The following UGT3A2 variants were observed in gnomAD, a reference collection of about 807,000 sequenced individuals.
UGT3A2 encodes UDP-glycosyltransferase 3A2.
Under a neutral mutation model 39.8 loss-of-function variants are expected in UGT3A2, and 32 were observed. The ratio of observed to expected loss-of-function variants is 0.80; its 90% CI spans 0.61 to 1.08. The LOEUF (loss-of-function observed/expected upper bound fraction) is 1.08, where lower values mean the gene tolerates loss of function less well. Ranked by LOEUF, UGT3A2 falls within the 50% of genes least tolerant of loss-of-function variation. The probability of loss-of-function intolerance (pLI) is 0.00; values close to 1 mark genes in which losing one functional copy is unlikely to be tolerated. For missense variants in UGT3A2, 611 were observed against 637.1 expected (o/e 0.96, Z 0.44); for synonymous variants, 241 against 230.7 (o/e 1.04, Z -0.40).
chr5:36,038,729 T>C (rs1008027736), intron 5 of UGT3A2, among the ~76,000 whole-genome samples: 1 of 152,194 alleles, frequency 6.6e-6, no homozygotes. Flanking sequence ...CCCCAGAATT[T>C]TAAAAAATAT....
chr5:36,035,696 C>G lies in UGT3A2; in HGVS notation c.*2G>C. ...CAGACCCCGCCAAGGCTGCACCTGG[C>G]CTTATGTCTCCTTCACCTTTCTGGC... On this transcript the variant is annotated 3_prime_UTR_variant, in exon 7 of 7. Coordinates refer to ENST00000282507, the MANE Select transcript of UGT3A2 (RefSeq NM_174914.4). 6.2e-7 allele frequency: 1 copy of G among 1,613,806 alleles called. No homozygotes were observed. Among genetic ancestry groups the G allele is most frequent in the Non-Finnish European group, 8.5e-7 (1 of 1,179,772 alleles).
At chr5:36,062,515 C>G (rs1440816618) in intron 2 of UGT3A2, among the ~76,000 whole-genome samples, 1 of 151,524 alleles carries the variant, frequency 6.6e-6, no homozygotes, top group Non-Finnish European at 1.5e-5. Context: ...TTCCCCATTG[C>G]TTGTTTTTCT....
chr5:36,037,447 C>A (rs765345709), intron 6 of UGT3A2, among the ~76,000 whole-genome samples: 14 of 152,004 alleles, frequency 9.2e-5, no homozygotes, highest in Non-Finnish European at 1.8e-4. Context: ...GAGAAGAGTG[C>A]GGAGTATTTG....
intron 4 of UGT3A2, among the ~76,000 whole-genome samples, chr5:36,045,934 A>G (rs1461421777): frequency 1.3e-5 from 2 of 152,214 alleles, no homozygotes; most frequent in Non-Finnish European, 2.9e-5. Flanking sequence ...TACGAGAAAA[A>G]AAAATCTAAT....
At position 36,035,039 on chromosome 5, in the gene UGT3A2, A is replaced by G. The variant is rs1741771735; in HGVS notation, c.*659T>C. On this transcript the variant is annotated 3_prime_UTR_variant, in exon 7 of 7. Coordinates refer to ENST00000282507, the MANE Select transcript of UGT3A2 (RefSeq NM_174914.4). Reference sequence around the variant, plus strand: ...CATTTAGTGAGGTTGGGGAGAGATAACGCTGTAAACTTTTATTTTTCAGGA... The same window carrying G: ...CATTTAGTGAGGTTGGGGAGAGATAGCGCTGTAAACTTTTATTTTTCAGGA... 6.6e-6 allele frequency: 1 copy of G among 152,668 alleles called. No individual in the cohort carries two copies. Among genetic ancestry groups the G allele is most frequent in the African/African-American group, 2.4e-5 (1 of 41,456 alleles). 9.5% of individuals were successfully genotyped at this position (152,668 alleles called of 1,614,324 possible). A position where few individuals can be genotyped will look rare whatever the true frequency, so the allele number is the denominator to read the frequency against.
chr5:36,064,114 TAC>T (rs139538064), intron 2 of UGT3A2, 133 bp downstream of exon 2: 875 of 775,352 alleles, frequency 1.1e-3, no homozygotes, highest in Middle Eastern at 1.5e-3. Flanking sequence ...GCACTTTACA[TAC>T]ACACACACAC....
At chr5:36,065,191 T>C (rs1025084292) in intron 1 of UGT3A2, among the ~76,000 whole-genome samples, 2 of 151,642 alleles carry the variant, frequency 1.3e-5, no homozygotes, top group Non-Finnish European at 2.9e-5. Flanking sequence ...GAAAGGAAGA[T>C]CAGAAGAGAA....
intron 4 of UGT3A2, among the ~76,000 whole-genome samples, chr5:36,040,999 C>T (rs1741987813): frequency 6.6e-6 from 1 of 152,188 alleles, no homozygotes; most frequent in Non-Finnish European, 1.5e-5. Flanking sequence ...CTAACATCTC[C>T]ACATCTAGGC....
At chr5:36,046,774 T>C (rs1000370441) in intron 4 of UGT3A2, among the ~76,000 whole-genome samples, 1 of 152,150 alleles carries the variant, frequency 6.6e-6, no homozygotes, top group African/African-American at 2.4e-5. Context: ...GTTTGTAACA[T>C]AAAGAAATGA....
At chr5:36,050,393 T>C (rs1267988672) in intron 3 of UGT3A2, among the ~76,000 whole-genome samples, 1 of 152,146 alleles carries the variant, frequency 6.6e-6, no homozygotes, top group Non-Finnish European at 1.5e-5. Context: ...ATCAGAAACA[T>C]ACTGGCTGCA....
At chr5:36,052,417 A>T (rs1742373098) in intron 2 of UGT3A2, among the ~76,000 whole-genome samples, 1 of 152,012 alleles carries the variant, frequency 6.6e-6, no homozygotes, top group African/African-American at 2.4e-5. Context: ...CCTACATCTC[A>T]ACTTGCCTGC....
chr5:36,063,274 A>G (rs2111778619), intron 2 of UGT3A2, among the ~76,000 whole-genome samples: 1 of 152,260 alleles, frequency 6.6e-6, no homozygotes, highest in South Asian at 2.1e-4. Flanking sequence ...ATAAAGTCCT[A>G]AATCCACCCA....
At chr5:36,058,847 C>G (rs181223907) in intron 2 of UGT3A2, among the ~76,000 whole-genome samples, 455 of 152,160 alleles carry the variant, frequency 3.0e-3, no homozygotes, top group African/African-American at 0.01. Context: ...CTCATAATGA[C>G]AGTAACAAGT....
chr5:36,050,243 CAT>C lies in UGT3A2; in HGVS notation c.312-825_312-824del, dbSNP rs547378824. On this transcript the variant is annotated intron_variant, in intron 3 of 6. Transcript: ENST00000282507. ...TAAGATAATGTCAAAGCTTTACTGA[CAT>C]ATGCCTATGCAAAGGGACGATTCTT... Among the ~76,000 whole-genome samples the C allele has an allele frequency of 4.4e-4, 67 of 152,180 alleles. No homozygotes were observed. The Middle Eastern group carries it at 0.014, about 31-fold the overall frequency.
At chr5:36,038,709 A>C (rs1741910357) in intron 5 of UGT3A2, among the ~76,000 whole-genome samples, 2 of 152,238 alleles carry the variant, frequency 1.3e-5, no homozygotes, top group South Asian at 2.1e-4. Flanking sequence ...AATGGGAGGC[A>C]TATGCCCTAC....
At position 36,038,016 on chromosome 5, in the gene UGT3A2, G is replaced by C; in HGVS notation, c.1076C>G (p.Ala359Gly). ...VDWLPQSDLL[A>G]HPSIRLFVTH... ...GACAAACAGACGGATGCTTGGGTGA[G>C]CTGTTGTAAATAAGAAAGAGGGTGG... Residue 359 changes from alanine (A) to glycine (G), a missense_variant and splice_region_variant, in exon 6 of 7, where the codon GCT becomes GGT. Ala to Gly is a moderately conservative substitution (Grantham distance 60). Transcript: ENST00000282507. The C allele has an allele frequency of 6.3e-7, 1 of 1,588,172 alleles. No homozygotes were observed. The highest frequency in any genetic ancestry group is 8.5e-7 in the Non-Finnish European group (1 of 1,171,148).
chr5:36,066,809 G>T lies in UGT3A2; in HGVS notation c.-20C>A. On this transcript the variant is annotated 5_prime_UTR_variant, in exon 1 of 7. Transcript: ENST00000282507. ...AGCCATGCTCACTTCTACGGAAGCCGCGGATCTCAGCCTGGGCTGCGCGCC... is the reference window on the plus strand; with the variant it reads ...AGCCATGCTCACTTCTACGGAAGCCTCGGATCTCAGCCTGGGCTGCGCGCC... The T allele has an allele frequency of 6.2e-7, 1 of 1,614,072 alleles. No individual in the cohort carries two copies. The highest frequency in any genetic ancestry group is 8.5e-7 in the Non-Finnish European group (1 of 1,179,914).
At chr5:36,056,195 A>G (rs1199147037) in intron 2 of UGT3A2, among the ~76,000 whole-genome samples, 2 of 152,222 alleles carry the variant, frequency 1.3e-5, no homozygotes, top group African/African-American at 4.8e-5. Flanking sequence ...GTTATCAAGA[A>G]TAACTGCAGA....
At position 36,049,396 on chromosome 5, in the gene UGT3A2, A is replaced by T. The variant is rs1742272631; in HGVS notation, c.336T>A (p.Asn112Lys). ...ACTGCAACGCCAAGTATTCTAGAAC[A>T]TTTAATAAGTTTTCAAATTTTCCTC... Reference protein sequence around the residue: ...GGRGKFENLLNVLEYLALQCS... With the variant: ...GGRGKFENLLKVLEYLALQCS... Residue 112 changes from asparagine (N) to lysine (K), a missense_variant, in exon 4 of 7, where the codon AAT (asparagine) becomes AAA (lysine). Physicochemically the swap from Asn to Lys is moderately conservative, Grantham distance 94. Transcript: ENST00000282507. The T allele has an allele frequency of 1.9e-6, 3 of 1,562,400 alleles. No individual in the cohort carries two copies. The highest frequency in any genetic ancestry group is 2.8e-5 in the African/African-American group (2 of 72,328).
Sources: gnomAD v4.1 joint callset for allele counts (sites outside exome capture counted in the v4.1 genomes callset) on GRCh38, gnomAD v4.1.1 for gene constraint, MANE v1.5 for transcripts, NCBI Gene and HGNC (gene_info 2026-07-23, HGNC 2026-07-21) for gene names.